The following PHF13 variants were observed in gnomAD, a reference collection of about 807,000 sequenced individuals.
The protein encoded by PHF13 is PHD zinc finger protein PHF5.
A neutral mutation model predicts 25.8 loss-of-function variants in PHF13; 1 was observed. The ratio of observed to expected loss-of-function variants is 0.04; its 90% CI spans 0.01 to 0.18. The LOEUF (loss-of-function observed/expected upper bound fraction) is 0.18, where lower values mean the gene tolerates loss of function less well. Among genes scored for constraint, PHF13 ranks in the 10% least tolerant of loss-of-function variants. The pLI is 1.00. For synonymous variants in PHF13, 195 were observed against 162.4 expected (o/e 1.20, Z -1.53); for missense variants, 306 against 403.2 (o/e 0.76, Z 2.06).
chr1:6,619,720 A>G, intron 2 of PHF13, 83 bp from the exon 3 acceptor site: 1 of 1,404,166 alleles, frequency 7.1e-7, no homozygotes, highest in Non-Finnish European at 9.7e-7. Context: ...TGGAGGTCTG[A>G]CATGGCTGGG....
At chr1:6,617,648 C>T (rs879870737) in intron 2 of PHF13, among the ~76,000 whole-genome samples, 1 of 151,768 alleles carries the variant, frequency 6.6e-6, no homozygotes, top group Non-Finnish European at 1.5e-5. Context: ...AGGCTGGTCT[C>T]GAACTCCTGA....
chr1:6,618,149 T>C lies in PHF13; in HGVS notation c.141+1291T>C, dbSNP rs946355466. Among the ~76,000 whole-genome samples, 10 of 151,980 alleles carry C rather than the reference T, an allele frequency of 6.6e-5. No homozygotes were observed. The South Asian group carries it at 1.5e-3, about 23-fold the overall frequency. On this transcript the variant is annotated intron_variant, in intron 2 of 3. Transcript: ENST00000377648. ...AAAATTGAACAATCCAGCTTTTTTT[T>C]TTTTGCGACAGGTCTTGCTCTGTTG... is the stretch of plus-strand genomic sequence containing the variant.
At chr1:6,616,657 GT>G (rs1641265545) in intron 1 of PHF13, 99 bp from the exon 2 acceptor site, 4 of 947,688 alleles carry the variant, frequency 4.2e-6, no homozygotes, top group Non-Finnish European at 6.9e-6. Flanking sequence ...TATTTTTTGA[GT>G]GATTGACTAC....
Position 6,613,807 on chromosome 1 carries a change from CG to C in PHF13, c.-259del. On this transcript the variant is annotated 5_prime_UTR_variant, in exon 1 of 4. Coordinates refer to ENST00000377648, the MANE Select transcript of PHF13 (RefSeq NM_153812.3). Reference sequence around the variant, plus strand: ...TCGGGTTCCCGCTCACCGCCGCCGCCGCCGCCCCCTGCAGCCACTCTCCCGC... The same window carrying C: ...TCGGGTTCCCGCTCACCGCCGCCGCCCCGCCCCCTGCAGCCACTCTCCCGC... The C allele has an allele frequency of 2.4e-6, 1 of 417,084 alleles. No homozygotes were observed. Among genetic ancestry groups the C allele is most frequent in the Non-Finnish European group, 4.3e-6 (1 of 233,448 alleles). The allele number at this position is 417,084 out of a possible 1,614,324, so 25.8% of individuals were successfully genotyped here. A position where few individuals can be genotyped will look rare whatever the true frequency, so the allele number is the denominator to read the frequency against.
chr1:6,617,750 G>T (rs566281962), intron 2 of PHF13, among the ~76,000 whole-genome samples: 1 of 152,314 alleles, frequency 6.6e-6, no homozygotes, highest in East Asian at 1.9e-4. Context: ...TTTAATAAGG[G>T]TCTGTAGTTA....
chr1:6,613,957 C>T lies in PHF13; in HGVS notation c.-110C>T, dbSNP rs1385683466. Reference sequence around the variant, plus strand: ...CACCTCCAGCCCGGGCGACCCCTCCCGGGTCCGCCCTCGCCCTGCGCAGCC... The same window carrying T: ...CACCTCCAGCCCGGGCGACCCCTCCTGGGTCCGCCCTCGCCCTGCGCAGCC... On this transcript the variant is annotated 5_prime_UTR_variant, in exon 1 of 4. Coordinates refer to ENST00000377648, the MANE Select transcript of PHF13 (RefSeq NM_153812.3). 4.5e-6 allele frequency: 3 copies of T among 669,284 alleles called. No individual in the cohort carries two copies. Among genetic ancestry groups the T allele is most frequent in the African/African-American group, 2.0e-5 (1 of 51,278 alleles). 41.5% of individuals were successfully genotyped at this position (669,284 alleles called of 1,614,324 possible). A position where few individuals can be genotyped will look rare whatever the true frequency, so the allele number is the denominator to read the frequency against.
At position 6,621,672 on chromosome 1, in the gene PHF13, C is replaced by T. The variant is rs780330422; in HGVS notation, c.*35C>T. 1.0e-5 allele frequency: 16 copies of T among 1,599,704 alleles called. No individual in the cohort carries two copies. Among genetic ancestry groups the T allele is most frequent in the Middle Eastern group, 1.7e-4 (1 of 6,012 alleles). On this transcript the variant is annotated 3_prime_UTR_variant, in exon 4 of 4. Transcript: ENST00000377648. The surrounding 1 kb of genome is among the most constrained non-coding windows in gnomAD (Gnocchi z 4.8). ...GGCGAGGAGGCTGCGAGCGTGGAAT[C>T]GGAAGCGACCGCGGGCTTTTTTGCC... is the stretch of plus-strand genomic sequence containing the variant.
At chr1:6,616,588 G>T (rs1241391127) in intron 1 of PHF13, among the ~76,000 whole-genome samples, 169 bp from the exon 2 acceptor site, 1 of 152,188 alleles carries the variant, frequency 6.6e-6, no homozygotes, top group East Asian at 1.9e-4. Context: ...TCTGAAAATA[G>T]TGTTATTTCT....
intron 1 of PHF13, 99 bp from the exon 2 acceptor site, chr1:6,616,658 T>G (rs1362063956): frequency 1.2e-5 from 11 of 956,250 alleles, no homozygotes; most frequent in Admixed American, 5.3e-5. Context: ...ATTTTTTGAG[T>G]GATTGACTAC....
chr1:6,618,213 C>T (rs1641288949), intron 2 of PHF13, among the ~76,000 whole-genome samples: 1 of 152,138 alleles, frequency 6.6e-6, no homozygotes, highest in South Asian at 2.1e-4. Context: ...TGGCTCACTG[C>T]AGCCTCTTTC....
In PHF13 at chr1:6,621,285, T is replaced by C. The variant is rs1472578303; in HGVS notation, c.677-126T>C. The C allele has an allele frequency of 1.5e-5, 14 of 964,292 alleles. No individual in the cohort carries two copies. The highest frequency in any genetic ancestry group is 2.1e-5 in the Admixed American group (1 of 47,260). 59.7% of individuals were successfully genotyped at this position (964,292 alleles called of 1,614,324 possible). A position where few individuals can be genotyped will look rare whatever the true frequency, so the allele number is the denominator to read the frequency against. ...CCCCTCGTGCCTTTTCAGAGAGAAG[T>C]GTCAGCTTCGAGTGGCAGTTGGAAG... On this transcript the variant is annotated intron_variant, in intron 3 of 3. Transcript: ENST00000377648. This position sits in a 1 kb window ranked among gnomAD's most constrained non-coding sequence, Gnocchi z 4.8.
At chr1:6,616,688 C>G (rs1286519096) in intron 1 of PHF13, 69 bp from the exon 2 acceptor site, 6 of 1,367,652 alleles carry the variant, frequency 4.4e-6, no homozygotes, top group East Asian at 4.6e-5. Context: ...AGCTTACTTC[C>G]TTTTGTTTCT....
At chr1:6,616,700 T>A (rs1381024472) in intron 1 of PHF13, 57 bp from the exon 2 acceptor site, 1 of 1,452,834 alleles carries the variant, frequency 6.9e-7, no homozygotes, top group East Asian at 2.3e-5. Flanking sequence ...TTTGTTTCTG[T>A]GATTCCGCCT....
At chr1:6,615,680 C>T (rs115653250) in intron 1 of PHF13, among the ~76,000 whole-genome samples, 2 of 152,198 alleles carry the variant, frequency 1.3e-5, no homozygotes, top group East Asian at 1.9e-4. Context: ...AACAGCAATA[C>T]GGCACACTTG....
In PHF13 at chr1:6,619,352, GT is replaced by G. The variant is rs1468219513; in HGVS notation, c.142-438del. Among the ~76,000 whole-genome samples the G allele has an allele frequency of 3.2e-3, 456 of 144,472 alleles. 1 individual carries two copies. Among genetic ancestry groups the G allele is most frequent in the African/African-American group, 8.6e-3 (342 of 39,732 alleles). 94.8% of individuals were successfully genotyped at this position (144,472 alleles called of 152,430 possible). A position where few individuals can be genotyped will look rare whatever the true frequency, so the allele number is the denominator to read the frequency against. On this transcript the variant is annotated intron_variant, in intron 2 of 3. Transcript: ENST00000377648. ...AAACTCATGGCACTGATGGCACTGGGTTTTTTTTTTTTTGAGACACAGAATC... is the reference window on the plus strand; with the variant it reads ...AAACTCATGGCACTGATGGCACTGGGTTTTTTTTTTTTGAGACACAGAATC...
chr1:6,619,689 T>C, intron 2 of PHF13, 114 bp from the exon 3 acceptor site: 1 of 1,120,162 alleles, frequency 8.9e-7, no homozygotes, highest in South Asian at 1.5e-5. Context: ...GCAGAGAAGC[T>C]CAAAGTTGTG....
In PHF13 at chr1:6,622,233, C is replaced by G. The variant is rs1449082934; in HGVS notation, c.*596C>G. ...GAAGGGCGCTGGGCTGGCGGGTCAGCTGGTGGTTCTTAGGTTTCCTTCTGT... is the reference window on the plus strand; with the variant it reads ...GAAGGGCGCTGGGCTGGCGGGTCAGGTGGTGGTTCTTAGGTTTCCTTCTGT... On this transcript the variant is annotated 3_prime_UTR_variant, in exon 4 of 4. Coordinates refer to ENST00000377648, the MANE Select transcript of PHF13 (RefSeq NM_153812.3). The G allele has an allele frequency of 1.2e-5, 2 of 161,236 alleles. No homozygotes were observed. Among genetic ancestry groups the G allele is most frequent in the East Asian group, 3.5e-4 (2 of 5,694 alleles). The allele number at this position is 161,236 out of a possible 1,614,324, so 10.0% of individuals were successfully genotyped here.
At position 6,621,935 on chromosome 1, in the gene PHF13, G is replaced by C; in HGVS notation, c.*298G>C. 1 of 464,980 alleles carries C rather than the reference G, an allele frequency of 2.2e-6. No homozygotes were observed. Among genetic ancestry groups the C allele is most frequent in the Non-Finnish European group, 4.0e-6 (1 of 251,698 alleles). The allele number at this position is 464,980 out of a possible 1,614,324, so 28.8% of individuals were successfully genotyped here. On this transcript the variant is annotated 3_prime_UTR_variant, in exon 4 of 4. Transcript: ENST00000377648. This position sits in a 1 kb window ranked among gnomAD's most constrained non-coding sequence, Gnocchi z 4.8. Reference sequence around the variant, plus strand: ...AAATGAGGGTCCGTGGTAGCTGTGCGTTTTGCTATCATTGCTAAGAGATTC... The same window carrying C: ...AAATGAGGGTCCGTGGTAGCTGTGCCTTTTGCTATCATTGCTAAGAGATTC...
intron 1 of PHF13, 46 bp from the exon 2 acceptor site, chr1:6,616,711 G>A (rs2148709504): frequency 6.6e-7 from 1 of 1,516,164 alleles, no homozygotes; most frequent in Non-Finnish European, 9.2e-7. Context: ...GATTCCGCCT[G>A]GAAGCCTCTC....
Sources: allele counts gnomAD v4.1 joint callset (sites outside exome capture counted in the v4.1 genomes callset), GRCh38; gene constraint gnomAD v4.1.1; non-coding constraint Gnocchi (gnomAD v3.1); transcripts MANE v1.5; gene names NCBI Gene and HGNC (gene_info 2026-07-23, HGNC 2026-07-21).